Variants in MAP2K5 observed in about 807,000 individuals in gnomAD.
MAP2K5 encodes mitogen-activated protein kinase kinase 5.
MAP2K5 carries 49 observed loss-of-function variants against 83.1 expected under a neutral mutation model. That is an observed-to-expected ratio of 0.59 (90% CI 0.47 to 0.75). MAP2K5 has a LOEUF of 0.75. Ranked by LOEUF, MAP2K5 falls within the 30% of genes least tolerant of loss-of-function variation. The pLI, the probability that MAP2K5 is intolerant of heterozygous loss-of-function variation, is 0.00. For missense variants in MAP2K5, 457 were observed against 557.5 expected, an observed-to-expected ratio of 0.82 and a Z score of 1.82; for synonymous variants, 202 against 191.8, an observed-to-expected ratio of 1.05 and a Z score of -0.44.
At chr15:67,693,281 A>C (rs568790941) in intron 14 of MAP2K5, among the ~76,000 whole-genome samples, 12 of 152,334 alleles carry the variant, frequency 7.9e-5, no homozygotes, top group African/African-American at 2.9e-4. Flanking sequence ...GCTTAAGTGA[A>C]TTGTTTAAGG....
intron 16 of MAP2K5, among the ~76,000 whole-genome samples, chr15:67,710,926 A>G (rs1056756509): frequency 1.3e-5 from 2 of 152,214 alleles, no homozygotes; most frequent in African/African-American, 4.8e-5. Context: ...TGTACATGTA[A>G]TATCATTTTT....
rs2140959802 is a variant in MAP2K5, at chr15:67,559,551, GAC to G, written c.185-3727_185-3726del. Among the ~76,000 whole-genome samples the G allele has an allele frequency of 6.6e-6, 1 of 152,140 alleles. No homozygotes were observed. The highest frequency in any genetic ancestry group is 2.1e-4 in the South Asian group (1 of 4,818). On this transcript the variant is annotated intron_variant, in intron 2 of 21. Transcript: ENST00000178640. The surrounding 1 kb of genome is among the most constrained non-coding windows in gnomAD (Gnocchi z 4.7). Reference sequence around the variant, plus strand: ...AAACTCTGCCATTTTGTATATTTGTGACACACTGCAGATTTTGTGAAGATTGC... The same window carrying G: ...AAACTCTGCCATTTTGTATATTTGTGACACTGCAGATTTTGTGAAGATTGC...
intron 17 of MAP2K5, among the ~76,000 whole-genome samples, chr15:67,728,457 T>C (rs1204390318): frequency 6.6e-6 from 1 of 152,234 alleles, no homozygotes; most frequent in African/African-American, 2.4e-5. Flanking sequence ...AACAAAACAG[T>C]CCATTATAGT....
chr15:67,784,145 A>T (rs8025526), intron 21 of MAP2K5, among the ~76,000 whole-genome samples: 84,029 of 152,048 alleles, frequency 0.55, 24,200 homozygotes, highest in East Asian at 0.85. Flanking sequence ...TGACCTTCAC[A>T]TGAACACTAT....
intron 17 of MAP2K5, among the ~76,000 whole-genome samples, chr15:67,737,922 G>C (rs2089379816): frequency 8.0e-6 from 1 of 125,146 alleles, no homozygotes; most frequent in South Asian, 2.8e-4. Flanking sequence ...CATGATCTTG[G>C]CTCACTGCAA....
chr15:67,585,809 A>G, intron 4 of MAP2K5, 81 bp from the exon 5 acceptor site: 3 of 1,261,094 alleles, frequency 2.4e-6, no homozygotes, highest in African/African-American at 1.5e-5. Context: ...TGTCACCCTC[A>G]TTTCTTTTTA....
intron 13 of MAP2K5, chr15:67,670,424 CAAA>C: frequency 2.2e-6 from 1 of 455,650 alleles, no homozygotes; most frequent in Non-Finnish European, 4.4e-6. Flanking sequence ...TTTTAGCAAA[CAAA>C]GACCTGTGCA....
chr15:67,580,729 A>G, intron 3 of MAP2K5, 25 bp from the exon 4 acceptor site: 2 of 1,422,572 alleles, frequency 1.4e-6, no homozygotes, highest in Non-Finnish European at 2.0e-6. Flanking sequence ...TTACTGAGTG[A>G]TCTCTTTCTA....
intron 19 of MAP2K5, among the ~76,000 whole-genome samples, chr15:67,766,924 G>C (rs2090051630): frequency 6.6e-6 from 1 of 152,128 alleles, no homozygotes; most frequent in African/African-American, 2.4e-5. Context: ...TCCCTTGAGC[G>C]ATGCAGGAGA....
intron 3 of MAP2K5, among the ~76,000 whole-genome samples, chr15:67,567,843 C>T (rs1167900025): frequency 6.6e-6 from 1 of 152,052 alleles, no homozygotes; most frequent in Non-Finnish European, 1.5e-5. Context: ...TTGAAAATAG[C>T]GTGCTGCTTT....
chr15:67,765,444 T>C (rs957847983), intron 19 of MAP2K5, among the ~76,000 whole-genome samples: 1 of 152,330 alleles, frequency 6.6e-6, no homozygotes, highest in Non-Finnish European at 1.5e-5. Context: ...ACTGATCTTA[T>C]TCAGATTTTA....
In MAP2K5 at chr15:67,748,310, C is replaced by A; in HGVS notation, c.1101+53C>A. The A allele has an allele frequency of 6.9e-7, 1 of 1,453,598 alleles. No individual in the cohort carries two copies. Among genetic ancestry groups the A allele is most frequent in the Non-Finnish European group, 9.6e-7 (1 of 1,036,860 alleles). The allele number at this position is 1,453,598 out of a possible 1,614,324, so 90.0% of individuals were successfully genotyped here. A position where few individuals can be genotyped will look rare whatever the true frequency, so the allele number is the denominator to read the frequency against. On this transcript the variant is annotated intron_variant, in intron 18 of 21. Coordinates refer to ENST00000178640, the MANE Select transcript of MAP2K5 (RefSeq NM_145160.3). The surrounding 1 kb of genome is among the most constrained non-coding windows in gnomAD (Gnocchi z 4.0). ...TCACTTTTCTTTTTCCTGATGGCTG[C>A]TTCCTTTGCATGCTTGAATGCCTTG...
chr15:67,657,239 T>C (rs2087106437), intron 11 of MAP2K5, among the ~76,000 whole-genome samples: 1 of 152,210 alleles, frequency 6.6e-6, no homozygotes, highest in Non-Finnish European at 1.5e-5. Context: ...CCCTGATTTA[T>C]ATCCTTGGTA....
Position 67,794,741 on chromosome 15 carries a change from A to G in MAP2K5, c.1243-11905A>G, listed in dbSNP as rs1202937614. On this transcript the variant is annotated intron_variant, in intron 21 of 21. Coordinates refer to ENST00000178640, the MANE Select transcript of MAP2K5 (RefSeq NM_145160.3). The surrounding 1 kb of genome is among the most constrained non-coding windows in gnomAD (Gnocchi z 4.6). ...AGTGTCTAGCAATTTTTTCCTCTGT[A>G]TTTTTTGTTGATTTGATAGCAGCAA... is the stretch of plus-strand genomic sequence containing the variant. 6.6e-6 allele frequency among the ~76,000 whole-genome samples: 1 copy of G among 151,092 alleles called. No individual in the cohort carries two copies. The highest frequency in any genetic ancestry group is 1.5e-5 in the Non-Finnish European group (1 of 67,842).
At chr15:67,803,938 A>G (rs1337678064) in intron 21 of MAP2K5, among the ~76,000 whole-genome samples, 1 of 152,236 alleles carries the variant, frequency 6.6e-6, no homozygotes, top group Non-Finnish European at 1.5e-5. Flanking sequence ...CAGGCAGGTC[A>G]GCTGTGACCC....
rs540174059 is a variant in MAP2K5 at position 67,693,594 on chromosome 15, G to T, written c.972+26G>T. On this transcript the variant is annotated intron_variant, in intron 15 of 21. Coordinates refer to ENST00000178640, the MANE Select transcript of MAP2K5 (RefSeq NM_145160.3). The stretch of plus-strand genomic sequence containing the variant: ...GTAAGTAAACTTATGCAAAAATAAT[G>T]TTTAAAACCAACATCTTTATCTTTA... The T allele has an allele frequency of 4.6e-6, 7 of 1,518,624 alleles. No homozygotes were observed. The African/African-American group carries it at 9.6e-5, about 21-fold the overall frequency. The allele number at this position is 1,518,624 out of a possible 1,614,324, so 94.1% of individuals were successfully genotyped here. A position where few individuals can be genotyped will look rare whatever the true frequency, so the allele number is the denominator to read the frequency against.
chr15:67,737,305 A>C (rs2089363851), intron 17 of MAP2K5, among the ~76,000 whole-genome samples: 1 of 151,856 alleles, frequency 6.6e-6, no homozygotes, highest in African/African-American at 2.4e-5. Context: ...CTTTTATTAT[A>C]CTCCAGTGTT....
At chr15:67,656,535 C>T (rs2087083603) in intron 11 of MAP2K5, among the ~76,000 whole-genome samples, 1 of 151,912 alleles carries the variant, frequency 6.6e-6, no homozygotes, top group Non-Finnish European at 1.5e-5. Context: ...TGCCGTGTCT[C>T]CTAGGCTGGT....
At chr15:67,696,577 A>G (rs890845121) in intron 15 of MAP2K5, among the ~76,000 whole-genome samples, 1 of 152,200 alleles carries the variant, frequency 6.6e-6, no homozygotes, top group African/African-American at 2.4e-5. Flanking sequence ...CAGTGGAACC[A>G]CTCTATAATG....
Sources: gnomAD v4.1 joint callset for allele counts (sites outside exome capture counted in the v4.1 genomes callset) on GRCh38, gnomAD v4.1.1 for gene constraint, Gnocchi (gnomAD v3.1) non-coding constraint, MANE v1.5 for transcripts, NCBI Gene and HGNC (gene_info 2026-07-23, HGNC 2026-07-21) for gene names.